NFE2L3: variants seen among roughly 807,000 people sequenced by gnomAD.
NFE2L3 encodes nuclear factor erythroid 2-related factor 3.
In NFE2L3, 18 loss-of-function variants were observed where a neutral mutation model predicts 23.5. That is an observed-to-expected ratio of 0.77 (90% CI 0.53 to 1.13). The LOEUF (loss-of-function observed/expected upper bound fraction) is 1.13, where lower values mean the gene tolerates loss of function less well. NFE2L3 is among the 50% of genes most tolerant of loss of function. The pLI, the probability that NFE2L3 is intolerant of heterozygous loss-of-function variation, is 0.00. For missense variants in NFE2L3, 1,152 were observed against 877.2 expected (o/e 1.31, Z -3.96); for synonymous variants, 424 against 354.5 (o/e 1.20, Z -2.20).
chr7:26,184,115 T>TTGC, intron 3 of NFE2L3: 1 of 363,684 alleles, frequency 2.7e-6, no homozygotes, highest in South Asian at 3.9e-5. Flanking sequence ...ATATTCACAA[T>TTGC]AGCCTTGTAG....
At chr7:26,172,501 G>C (rs981217366) in intron 1 of NFE2L3, among the ~76,000 whole-genome samples, 17 of 152,288 alleles carry the variant, frequency 1.1e-4, no homozygotes, top group African/African-American at 4.1e-4. Context: ...CATTTAATCT[G>C]AATGTAAGGC....
chr7:26,184,571 C>CAGTGATGGCATG lies in NFE2L3; in HGVS notation c.875_886dup (p.Ser292_Met295dup). The CAGTGATGGCATG allele has an allele frequency of 6.2e-7, 1 of 1,613,544 alleles. No individual in the cohort carries two copies. The highest frequency in any genetic ancestry group is 8.5e-7 in the Non-Finnish European group (1 of 1,179,586). Reference sequence around the variant, plus strand: ...GAGATATTCCTCTTCCAGGCAGTATCAGTGATGGCATGAATTCTTCAGCAC... The same window carrying CAGTGATGGCATG: ...GAGATATTCCTCTTCCAGGCAGTATCAGTGATGGCATGAGTGATGGCATGAATTCTTCAGCAC... On this transcript the variant is annotated inframe_insertion, in exon 4 of 4. Coordinates refer to ENST00000056233, the MANE Select transcript of NFE2L3 (RefSeq NM_004289.7).
chr7:26,152,351 C>A lies in NFE2L3; in HGVS notation c.-148C>A. 2.2e-6 allele frequency: 1 copy of A among 448,426 alleles called. No individual in the cohort carries two copies. The highest frequency in any genetic ancestry group is 3.3e-6 in the Non-Finnish European group (1 of 300,638). The allele number at this position is 448,426 out of a possible 1,614,324, so 27.8% of individuals were successfully genotyped here. ...TGTGCCCGGTGCTGGGAACCCGCGA[C>A]GGCCGCCACGCGCCCCGGTCCATTG... On this transcript the variant is annotated 5_prime_UTR_variant, in exon 1 of 4. Coordinates refer to ENST00000056233, the MANE Select transcript of NFE2L3 (RefSeq NM_004289.7). The surrounding 1 kb of genome is among the most constrained non-coding windows in gnomAD (Gnocchi z 4.4).
In NFE2L3 at chr7:26,184,735, A is replaced by G; in HGVS notation, c.1037A>G (p.Asn346Ser). The stretch of plus-strand genomic sequence containing the variant: ...TCACAAGAACCATTTCTGCAGTTAA[A>G]TTCTCATACCACCAATCCTGAGCAA... ...SQSQEPFLQL[N>S]SHTTNPEQTL... Residue 346 changes from asparagine to serine, a missense_variant, in exon 4 of 4, where the codon AAT becomes AGT. Coordinates refer to ENST00000056233, the MANE Select transcript of NFE2L3 (RefSeq NM_004289.7). 6.2e-7 allele frequency: 1 copy of G among 1,613,932 alleles called. No individual in the cohort carries two copies. The highest frequency in any genetic ancestry group is 8.5e-7 in the Non-Finnish European group (1 of 1,179,852).
chr7:26,161,331 C>G (rs987938820), intron 1 of NFE2L3, among the ~76,000 whole-genome samples: 2 of 125,174 alleles, frequency 1.6e-5, no homozygotes, highest in Non-Finnish European at 3.2e-5. Flanking sequence ...CTTAGCTTCT[C>G]TCTCTTTTTT....
Position 26,185,221 on chromosome 7 carries a change from A to C in NFE2L3, c.1523A>C (p.Glu508Ala). 1 of 1,613,962 alleles carries C rather than the reference A, an allele frequency of 6.2e-7. No individual in the cohort carries two copies. Reference protein sequence around the residue: ...HTYHLQPTAPESTSEPFPWPG... With the variant: ...HTYHLQPTAPASTSEPFPWPG... ...TACCACTTACAGCCAACTGCACCAG[A>C]ATCTACTTCTGAACCTTTTCCGTGG... The change falls in exon 4 of 4, where the codon GAA becomes GCA. Residue 508 changes from glutamate to alanine, a missense_variant. By Grantham distance (107) the Glu-to-Ala change is moderately radical. Transcript: ENST00000056233.
chr7:26,152,960 CG>C lies in NFE2L3; in HGVS notation c.466del (p.Asp156ThrfsTer40), dbSNP rs1334282972. 1 of 1,483,734 alleles carries C rather than the reference CG, an allele frequency of 6.7e-7. No homozygotes were observed. Among genetic ancestry groups the C allele is most frequent in the Non-Finnish European group, 8.9e-7 (1 of 1,125,980 alleles). The allele number at this position is 1,483,734 out of a possible 1,614,324, so 91.9% of individuals were successfully genotyped here. On this transcript the variant is annotated frameshift_variant, in exon 1 of 4. Transcript: ENST00000056233. LOFTEE classifies it high-confidence loss of function. The surrounding 1 kb of genome is among the most constrained non-coding windows in gnomAD (Gnocchi z 4.4). ...GGSQAVQGGG[G>X]DPRAARSGPL... ...GCAGCCAGGCTGTGCAGGGGGGCGG[CG>C]GGGACCCCCGAGCGGCTCGGAGTGG...
At chr7:26,165,700 G>A (rs1784238541) in intron 1 of NFE2L3, among the ~76,000 whole-genome samples, 1 of 152,182 alleles carries the variant, frequency 6.6e-6, no homozygotes, top group Non-Finnish European at 1.5e-5. Context: ...TAGGAGTGGT[G>A]AGAGAGGGCA....
At position 26,157,637 on chromosome 7, in the gene NFE2L3, G is replaced by A. The variant is rs535224129; in HGVS notation, c.570+4569G>A. On this transcript the variant is annotated intron_variant, in intron 1 of 3. Transcript: ENST00000056233. ...ATAGTCTTATAATTACATACATTGC[G>A]TTTATGACAAGCGTTCACAGTGGGA... 7.9e-5 allele frequency among the ~76,000 whole-genome samples: 12 copies of A among 152,256 alleles called. No homozygotes were observed. In the East Asian group the frequency reaches 1.9e-3, roughly 24 times the overall value.
intron 1 of NFE2L3, among the ~76,000 whole-genome samples, chr7:26,166,398 A>G (rs892540084): frequency 1.2e-4 from 19 of 152,206 alleles, no homozygotes; most frequent in African/African-American, 4.1e-4. Context: ...CAGCCAGCAC[A>G]GGAGCCCTAG....
chr7:26,152,390 G>A lies in NFE2L3; in HGVS notation c.-109G>A, dbSNP rs1583922387. 1 of 755,190 alleles carries A rather than the reference G, an allele frequency of 1.3e-6. No homozygotes were observed. Among genetic ancestry groups the A allele is most frequent in the East Asian group, 4.6e-5 (1 of 21,846 alleles). The allele number at this position is 755,190 out of a possible 1,614,324, so 46.8% of individuals were successfully genotyped here. On this transcript the variant is annotated 5_prime_UTR_variant, in exon 1 of 4. Coordinates refer to ENST00000056233, the MANE Select transcript of NFE2L3 (RefSeq NM_004289.7). This position sits in a 1 kb window ranked among gnomAD's most constrained non-coding sequence, Gnocchi z 4.4. The stretch of plus-strand genomic sequence containing the variant: ...CCCGGTCCATTGTTTCGCTTATCTG[G>A]GTTCCAGGCAGGTGCGGGCGGCGCG...
intron 1 of NFE2L3, among the ~76,000 whole-genome samples, chr7:26,158,751 G>A (rs575931386): frequency 6.6e-6 from 1 of 152,354 alleles, no homozygotes; most frequent in South Asian, 2.1e-4. Flanking sequence ...CCCAAGCCCT[G>A]ACTTGAGGCA....
intron 2 of NFE2L3, among the ~76,000 whole-genome samples, chr7:26,182,643 C>CA (rs1562678384): frequency 6.6e-6 from 1 of 150,876 alleles, no homozygotes. Context: ...TTCCATGTAA[C>CA]AAAAACTGGG....
chr7:26,185,052 GACCATGAATCTAGTTCCC>G lies in NFE2L3; in HGVS notation c.1356_1373del (p.Glu454_His459del), dbSNP rs748629392. The G allele has an allele frequency of 4.2e-5, 67 of 1,613,692 alleles. No individual in the cohort carries two copies. Among genetic ancestry groups the G allele is most frequent in the Non-Finnish European group, 5.3e-5 (63 of 1,179,836 alleles). On this transcript the variant is annotated inframe_deletion, in exon 4 of 4. Coordinates refer to ENST00000056233, the MANE Select transcript of NFE2L3 (RefSeq NM_004289.7). ...TGAAGGTGCTATAGGTTATTGCACT[GACCATGAATCTAGTTCCC>G]ATCATGACTTAGAAGGTGCTGTAGG...
intron 1 of NFE2L3, among the ~76,000 whole-genome samples, chr7:26,172,661 A>AC (rs1424621208): frequency 6.6e-6 from 1 of 152,102 alleles, no homozygotes; most frequent in Non-Finnish European, 1.5e-5. Context: ...TGTAAAAATG[A>AC]CCCCCAATGT....
rs993760245 is a variant in NFE2L3 at position 26,187,018 on chromosome 7, C to T, written c.*1235C>T. On this transcript the variant is annotated 3_prime_UTR_variant, in exon 4 of 4. Transcript: ENST00000056233. The stretch of plus-strand genomic sequence containing the variant: ...AAATGAAGTTTCTCAGATATTATTT[C>T]TGCCATAGGAGCTACAGTGTAGAGT... 1 of 152,148 alleles carries T rather than the reference C, an allele frequency of 6.6e-6. No individual in the cohort carries two copies. The highest frequency in any genetic ancestry group is 2.4e-5 in the African/African-American group (1 of 41,426). 9.4% of individuals were successfully genotyped at this position (152,148 alleles called of 1,614,324 possible).
chr7:26,184,239 T>C, intron 3 of NFE2L3: 2 of 375,142 alleles, frequency 5.3e-6, no homozygotes, highest in South Asian at 3.7e-5. Context: ...AGTTGCATCT[T>C]ATTATAAAGT....
Position 26,185,156 on chromosome 7 carries a change from T to A in NFE2L3, c.1458T>A (p.His486Gln). Residue 486 changes from histidine (H) to glutamine (Q), a missense_variant, in exon 4 of 4, where the codon CAT becomes CAA. Coordinates refer to ENST00000056233, the MANE Select transcript of NFE2L3 (RefSeq NM_004289.7). Reference protein sequence around the residue: ...CHLDQSDSDFHGDLTFQHVFH... With the variant: ...CHLDQSDSDFQGDLTFQHVFH... ...TGGATCAAAGTGATTCTGATTTCCATGGAGATCTTACATTTCAACACGTAT... is the reference window on the plus strand; with the variant it reads ...TGGATCAAAGTGATTCTGATTTCCAAGGAGATCTTACATTTCAACACGTAT... 1 of 1,613,880 alleles carries A rather than the reference T, an allele frequency of 6.2e-7. No individual in the cohort carries two copies. The highest frequency in any genetic ancestry group is 8.5e-7 in the Non-Finnish European group (1 of 1,179,840).
intron 1 of NFE2L3, among the ~76,000 whole-genome samples, chr7:26,168,426 G>GTGCCCAGACATTCTTGTCATTCTTA: frequency 4.7e-4 from 47 of 99,712 alleles, no homozygotes; most frequent in South Asian, 1.7e-3. Flanking sequence ...GTGAGCCACT[G>GTGCCCAGACATTCTTGTCATTCTTA]TAGTCTCCAT....
Sources: gnomAD v4.1 joint callset for allele counts (sites outside exome capture counted in the v4.1 genomes callset) on GRCh38, gnomAD v4.1.1 for gene constraint, Gnocchi (gnomAD v3.1) non-coding constraint, MANE v1.5 for transcripts, NCBI Gene and HGNC (gene_info 2026-07-23, HGNC 2026-07-21) for gene names.